KDM4C: variants seen among roughly 807,000 people sequenced by gnomAD.
KDM4C encodes the protein lysine-specific demethylase 4C.
In KDM4C, 81 loss-of-function variants were observed where a neutral mutation model predicts 129.3. The observed-to-expected ratio is 0.63, with a 90% CI of 0.52 to 0.75. KDM4C has a LOEUF of 0.75. KDM4C is among the 30% of genes least tolerant of loss of function. KDM4C has a pLI of 0.00. For missense variants in KDM4C, 1,457 were observed against 1,304.0 expected (o/e 1.12, Z -1.81); for synonymous variants, 573 against 456.1 (o/e 1.26, Z -3.26).
At chr9:6,882,162 A>T (rs1844552546) in intron 6 of KDM4C, among the ~76,000 whole-genome samples, 1 of 152,202 alleles carries the variant, frequency 6.6e-6, no homozygotes, top group South Asian at 2.1e-4. Context: ...GGTTTTCCCC[A>T]TATTATATAG....
intron 1 of KDM4C, among the ~76,000 whole-genome samples, chr9:6,765,513 CTG>C (rs1820434333): frequency 6.6e-6 from 1 of 152,184 alleles, no homozygotes; most frequent in Non-Finnish European, 1.5e-5. Context: ...TGTTTCTACA[CTG>C]TAAAGATTCT....
At chr9:6,790,177 T>G (rs1179495148) in intron 1 of KDM4C, among the ~76,000 whole-genome samples, 2 of 146,306 alleles carry the variant, frequency 1.4e-5, no homozygotes, top group Non-Finnish European at 3.0e-5. Context: ...GTGCTGGGAT[T>G]ACAGGCGTGA....
intron 1 of KDM4C, among the ~76,000 whole-genome samples, chr9:6,731,695 A>T (rs959687885): frequency 3.3e-5 from 5 of 152,084 alleles, no homozygotes; most frequent in Non-Finnish European, 7.3e-5. Context: ...AGTTCAAAAC[A>T]ATGGCCTTCC....
chr9:6,873,858 A>T (rs1306840600), intron 5 of KDM4C, among the ~76,000 whole-genome samples: 4 of 152,146 alleles, frequency 2.6e-5, no homozygotes, highest in Admixed American at 2.6e-4. Context: ...CTTTTGATTT[A>T]AAATGAGAGG....
chr9:7,167,961 C>G (rs971856131), intron 20 of KDM4C, among the ~76,000 whole-genome samples: 1 of 152,208 alleles, frequency 6.6e-6, no homozygotes, highest in African/African-American at 2.4e-5. Flanking sequence ...GCAGGCAGAT[C>G]ATCTGAGGTC....
At chr9:7,164,566 A>G (rs975946852) in intron 19 of KDM4C, among the ~76,000 whole-genome samples, 4 of 152,148 alleles carry the variant, frequency 2.6e-5, no homozygotes, top group Non-Finnish European at 1.5e-5. Context: ...TGTCTTTAGA[A>G]GGGCCGTGCT....
intron 1 of KDM4C, among the ~76,000 whole-genome samples, chr9:6,740,801 G>T (rs1817669219): frequency 6.6e-6 from 1 of 150,766 alleles, no homozygotes; most frequent in Admixed American, 6.6e-5. Context: ...TTACAGGCAT[G>T]AGCCACTGTA....
intron 18 of KDM4C, among the ~76,000 whole-genome samples, chr9:7,122,138 A>T (rs2133299484): frequency 6.6e-6 from 1 of 152,070 alleles, no homozygotes; most frequent in East Asian, 1.9e-4. Context: ...GGAAGCATGG[A>T]TGGGGAGGCC....
chr9:6,940,022 CTT>C (rs1563850111), intron 8 of KDM4C, among the ~76,000 whole-genome samples: 159 of 133,732 alleles, frequency 1.2e-3, no homozygotes, highest in African/African-American at 4.4e-3. Context: ...TCCTTCCTTC[CTT>C]CCTTCCTTCT....
intron 20 of KDM4C, among the ~76,000 whole-genome samples, chr9:7,166,611 TATA>T (rs1177350658): frequency 6.6e-6 from 1 of 152,202 alleles, no homozygotes; most frequent in Non-Finnish European, 1.5e-5. Context: ...CAAGACAGGC[TATA>T]ATACCGGAGG....
rs543976465 is a variant in KDM4C, at chr9:7,135,531, C to G, written c.2781+7295C>G. Among the ~76,000 whole-genome samples the G allele has an allele frequency of 5.3e-5, 8 of 152,242 alleles. No individual in the cohort carries two copies. The South Asian group carries it at 8.3e-4, about 16-fold the overall frequency. On this transcript the variant is annotated intron_variant, in intron 19 of 21. Transcript: ENST00000381309. Reference sequence around the variant, plus strand: ...ATTCATGGGTGAGCCTGCTTAAACCCATGGGCAGCGGGCACCATGAGCCAA... The same window carrying G: ...ATTCATGGGTGAGCCTGCTTAAACCGATGGGCAGCGGGCACCATGAGCCAA...
Position 6,792,972 on chromosome 9 carries a change from A to G in KDM4C, c.-17A>G. On this transcript the variant is annotated splice_region_variant and 5_prime_UTR_variant, in exon 2 of 22. Transcript: ENST00000381309. Reference sequence around the variant, plus strand: ...GTTGACCCTACTGTCTTCTCTCCAGACACTGCCCTAACCATCATGGAGGTG... The same window carrying G: ...GTTGACCCTACTGTCTTCTCTCCAGGCACTGCCCTAACCATCATGGAGGTG... The G allele has an allele frequency of 6.2e-7, 1 of 1,614,066 alleles. No individual in the cohort carries two copies. The highest frequency in any genetic ancestry group is 1.3e-5 in the African/African-American group (1 of 75,042).
In KDM4C at chr9:6,929,322, GC is replaced by G. The variant is rs1285008299; in HGVS notation, c.921+36093del. ...TTGAAGTCATTTAAAGAAACTGAGT[GC>G]CCTTTTACTATTTACTCAACTATCC... On this transcript the variant is annotated intron_variant, in intron 8 of 21. Transcript: ENST00000381309. Among the ~76,000 whole-genome samples the G allele has an allele frequency of 2.0e-5, 3 of 152,264 alleles. No homozygotes were observed. In the East Asian group the frequency reaches 5.8e-4, roughly 29 times the overall value.
At chr9:7,159,322 C>T (rs1273523427) in intron 19 of KDM4C, among the ~76,000 whole-genome samples, 1 of 152,112 alleles carries the variant, frequency 6.6e-6, no homozygotes, top group African/African-American at 2.4e-5. Flanking sequence ...GGGCATTTAG[C>T]CCATTTACAT....
At chr9:6,823,987 CG>C (rs762321358) in intron 4 of KDM4C, among the ~76,000 whole-genome samples, 1 of 152,138 alleles carries the variant, frequency 6.6e-6, no homozygotes, top group Non-Finnish European at 1.5e-5. Flanking sequence ...TTAATGTGGG[CG>C]CTAGAAATAA....
intron 4 of KDM4C, among the ~76,000 whole-genome samples, chr9:6,816,880 G>T (rs553640173): frequency 2.7e-5 from 4 of 147,910 alleles, no homozygotes; most frequent in African/African-American, 1.0e-4. Context: ...TCCCTTTTCT[G>T]TGGTTTTAGT....
intron 1 of KDM4C, chr9:6,748,738 C>G (rs758297237): frequency 6.7e-6 from 10 of 1,483,712 alleles, no homozygotes; most frequent in Non-Finnish European, 9.4e-6. Context: ...GTAATATTAT[C>G]TCCTTTTAGC....
intron 19 of KDM4C, among the ~76,000 whole-genome samples, chr9:7,136,799 A>G (rs1841256844): frequency 6.6e-6 from 1 of 152,186 alleles, no homozygotes; most frequent in South Asian, 2.1e-4. Flanking sequence ...AATAGTGTAT[A>G]AAGAGCAAAA....
At chr9:7,163,609 C>G (rs528538760) in intron 19 of KDM4C, among the ~76,000 whole-genome samples, 1 of 152,020 alleles carries the variant, frequency 6.6e-6, no homozygotes, top group Admixed American at 6.6e-5. Context: ...AGAGCTGATG[C>G]GACTCTCTAA....
Sources: gnomAD v4.1 joint callset for allele counts (sites outside exome capture counted in the v4.1 genomes callset) on GRCh38, gnomAD v4.1.1 for gene constraint, MANE v1.5 for transcripts, NCBI Gene and HGNC (gene_info 2026-07-23, HGNC 2026-07-21) for gene names.